The following ROBO1 variants were observed in gnomAD, a reference collection of about 807,000 sequenced individuals.
ROBO1 encodes the protein roundabout homolog 1.
ROBO1 carries 149 observed loss-of-function variants against 195.9 expected under a neutral mutation model. That is an observed-to-expected ratio of 0.76 (90% CI 0.67 to 0.87). The LOEUF (loss-of-function observed/expected upper bound fraction) is 0.87. ROBO1 is among the 40% of genes least tolerant of loss of function. ROBO1 has a pLI of 0.00. For missense variants in ROBO1, 1,933 were observed against 2,068.3 expected (o/e 0.93, Z 1.27); for synonymous variants, 816 against 733.2 (o/e 1.11, Z -1.82).
rs114400325 is a variant in ROBO1, at chr3:79,669,519, A to G, written c.-50-79558T>C. ...GTTATTATTGCCTACAGTATTTAGT[A>G]CAGTAACATGCTGCACAGGTTTGTA... is the stretch of plus-strand genomic sequence containing the variant. On this transcript the variant is annotated intron_variant, in intron 1 of 30. Transcript: ENST00000464233. 1.8e-3 allele frequency among the ~76,000 whole-genome samples: 281 copies of G among 152,042 alleles called. 1 individual carries two copies. The highest frequency in any genetic ancestry group is 5.2e-3 in the African/African-American group (217 of 41,528).
intron 8 of ROBO1, 46 bp from the exon 9 acceptor site, chr3:78,688,818 A>G: frequency 6.4e-7 from 1 of 1,553,200 alleles, no homozygotes; most frequent in Non-Finnish European, 8.7e-7. Context: ...GCACGTTGTT[A>G]TTGTCCTAAT....
intron 2 of ROBO1, among the ~76,000 whole-genome samples, chr3:79,179,914 T>C (rs2081313332): frequency 6.6e-6 from 1 of 152,200 alleles, no homozygotes; most frequent in African/African-American, 2.4e-5. Context: ...AAACTGGCCA[T>C]ATGTTGATTT....
intron 2 of ROBO1, among the ~76,000 whole-genome samples, chr3:79,276,238 G>T (rs1276619525): frequency 6.6e-6 from 1 of 152,008 alleles, no homozygotes; most frequent in Non-Finnish European, 1.5e-5. Flanking sequence ...CAGAGGTAGA[G>T]TAACTAAAAC....
chr3:78,900,979 T>C (rs997908488), intron 4 of ROBO1, among the ~76,000 whole-genome samples: 36 of 152,086 alleles, frequency 2.4e-4, no homozygotes, highest in Non-Finnish European at 5.3e-4. Context: ...TCATTACCCA[T>C]CCACCAAGAC....
chr3:78,695,165 T>G (rs2081258950), intron 8 of ROBO1, among the ~76,000 whole-genome samples: 2 of 151,668 alleles, frequency 1.3e-5, no homozygotes, highest in Non-Finnish European at 2.9e-5. Context: ...ATACACCTAA[T>G]GTAAATGACG....
chr3:79,116,120 T>C (rs2108546369), intron 3 of ROBO1, among the ~76,000 whole-genome samples: 1 of 152,276 alleles, frequency 6.6e-6, no homozygotes, highest in Admixed American at 6.5e-5. Flanking sequence ...TTTCAGTTGT[T>C]CCTCCATACC....
chr3:78,792,253 T>A (rs1033317734), intron 4 of ROBO1, among the ~76,000 whole-genome samples: 11 of 152,182 alleles, frequency 7.2e-5, no homozygotes, highest in African/African-American at 2.7e-4. Context: ...TGATGGTAGG[T>A]GTCATTTCTA....
At chr3:79,081,000 G>A (rs998165140) in intron 3 of ROBO1, among the ~76,000 whole-genome samples, 7 of 152,000 alleles carry the variant, frequency 4.6e-5, no homozygotes, top group African/African-American at 1.7e-4. Context: ...TAGAATTGAA[G>A]AGTTATGCCT....
intron 4 of ROBO1, among the ~76,000 whole-genome samples, chr3:78,862,416 C>A (rs2034908417): frequency 6.6e-6 from 1 of 152,126 alleles, no homozygotes; most frequent in Non-Finnish European, 1.5e-5. Flanking sequence ...AGGAACGCAG[C>A]CCTATCAACA....
chr3:78,912,729 C>T (rs1286001898), intron 4 of ROBO1, among the ~76,000 whole-genome samples: 1 of 152,050 alleles, frequency 6.6e-6, no homozygotes, highest in East Asian at 1.9e-4. Flanking sequence ...GTAGAAAGTT[C>T]AGGCTGTATG....
intron 3 of ROBO1, among the ~76,000 whole-genome samples, chr3:79,054,757 C>A (rs1447453389): frequency 6.6e-6 from 1 of 152,140 alleles, no homozygotes; most frequent in Admixed American, 6.5e-5. Flanking sequence ...AAGTACTTGA[C>A]ACTCTAAGTA....
intron 28 of ROBO1, among the ~76,000 whole-genome samples, chr3:78,609,658 C>T (rs1030537949): frequency 2.0e-5 from 3 of 151,962 alleles, no homozygotes; most frequent in Admixed American, 6.6e-5. Context: ...TTAGCCAATC[C>T]CTATAGAGAA....
intron 2 of ROBO1, among the ~76,000 whole-genome samples, chr3:79,526,011 G>A (rs1240605443): frequency 6.6e-6 from 1 of 152,032 alleles, no homozygotes; most frequent in Non-Finnish European, 1.5e-5. Context: ...CAGATGTTTT[G>A]CATTAGACCC....
rs545139576 is a variant in ROBO1, at chr3:79,049,128, C to T, written c.172+76328G>A. Among the ~76,000 whole-genome samples, 10 of 152,026 alleles carry T rather than the reference C, an allele frequency of 6.6e-5. No individual in the cohort carries two copies. The East Asian group carries it at 7.8e-4, about 12-fold the overall frequency. The stretch of plus-strand genomic sequence containing the variant: ...GCTAAAGGAGCATGTTCTAACCCAC[C>T]GCAATGAAGCTAAAAATCTTGAAAA... On this transcript the variant is annotated intron_variant, in intron 3 of 30. Transcript: ENST00000464233.
intron 2 of ROBO1, among the ~76,000 whole-genome samples, chr3:79,529,698 A>G (rs1384112978): frequency 6.6e-6 from 1 of 152,162 alleles, no homozygotes. Context: ...CTTCTGAAGT[A>G]TTTATTTCTG....
rs1016984467 is a variant in ROBO1, at chr3:79,613,276, A to G, written c.-50-23315T>C. On this transcript the variant is annotated intron_variant, in intron 1 of 30. Transcript: ENST00000464233. ...ACATTGTTTTGTCTACTGGTTTTTA[A>G]TACATTTCTATATTATTATGCATAA... Among the ~76,000 whole-genome samples, 3 of 152,034 alleles carry G rather than the reference A, an allele frequency of 2.0e-5. No homozygotes were observed. The East Asian group carries it at 5.8e-4, about 29-fold the overall frequency.
intron 1 of ROBO1, among the ~76,000 whole-genome samples, chr3:79,743,919 C>T (rs1284525469): frequency 1.3e-5 from 2 of 152,142 alleles, no homozygotes; most frequent in Non-Finnish European, 2.9e-5. Context: ...TCTTCTGCAA[C>T]ACCTCCTGAA....
intron 2 of ROBO1, among the ~76,000 whole-genome samples, chr3:79,300,456 C>T (rs1313308009): frequency 1.3e-5 from 2 of 152,214 alleles, no homozygotes; most frequent in African/African-American, 4.8e-5. Context: ...TGCCTTCCCG[C>T]GGGGCAGGGC....
At chr3:79,232,907 T>C (rs925003861) in intron 2 of ROBO1, among the ~76,000 whole-genome samples, 6 of 152,064 alleles carry the variant, frequency 3.9e-5, no homozygotes, top group African/African-American at 1.2e-4. Flanking sequence ...CAAACAGGGA[T>C]AGACTTCAGT....
Sources: gnomAD v4.1 joint callset for allele counts (sites outside exome capture counted in the v4.1 genomes callset) on GRCh38, gnomAD v4.1.1 for gene constraint, MANE v1.5 for transcripts, NCBI Gene and HGNC (gene_info 2026-07-23, HGNC 2026-07-21) for gene names.